The following CDK8 variants were observed in gnomAD, a reference collection of about 807,000 sequenced individuals.
CDK8 encodes the protein cyclin-dependent kinase 8.
CDK8 carries 29 observed loss-of-function variants against 71.5 expected under a neutral mutation model. The ratio of observed to expected loss-of-function variants is 0.41; its 90% CI spans 0.30 to 0.55. The LOEUF (loss-of-function observed/expected upper bound fraction) is 0.55, where lower values mean the gene tolerates loss of function less well. Ranked by LOEUF, CDK8 falls within the 20% of genes least tolerant of loss-of-function variation. The pLI, the probability that CDK8 is intolerant of heterozygous loss-of-function variation, is 0.37. For synonymous variants in CDK8, 161 were observed against 192.1 expected, an observed-to-expected ratio of 0.84 and a Z score of 1.34; for missense variants, 288 against 572.6, an observed-to-expected ratio of 0.50 and a Z score of 5.07.
intron 1 of CDK8, among the ~76,000 whole-genome samples, chr13:26,260,747 A>G (rs1871737217): frequency 1.3e-5 from 2 of 152,222 alleles, no homozygotes; most frequent in Non-Finnish European, 2.9e-5. Flanking sequence ...TACTTTGACA[A>G]TTAATTCTCT....
intron 1 of CDK8, among the ~76,000 whole-genome samples, chr13:26,317,578 A>G (rs373061405): frequency 3.5e-4 from 54 of 152,334 alleles, no homozygotes; most frequent in African/African-American, 1.1e-3. Context: ...AAAGATAGAT[A>G]TCATACAAAG....
At chr13:26,257,793 CA>C (rs1423831195) in intron 1 of CDK8, among the ~76,000 whole-genome samples, 1 of 151,472 alleles carries the variant, frequency 6.6e-6, no homozygotes, top group Non-Finnish European at 1.5e-5. Context: ...GGTTTTTCTT[CA>C]AAAAAGAAAA....
chr13:26,356,491 A>G (rs1873903872), intron 4 of CDK8, among the ~76,000 whole-genome samples: 1 of 152,224 alleles, frequency 6.6e-6, no homozygotes, highest in Admixed American at 6.5e-5. Flanking sequence ...GCAGAAGTCC[A>G]CTGAACCATT....
At chr13:26,369,307 AGGTGT>A (rs941392962) in intron 4 of CDK8, among the ~76,000 whole-genome samples, 1 of 151,208 alleles carries the variant, frequency 6.6e-6, no homozygotes, top group Non-Finnish European at 1.5e-5. Flanking sequence ...GAAATTCGCC[AGGTGT>A]GGTGATGCAT....
chr13:26,312,654 T>G (rs1874341882), intron 1 of CDK8, among the ~76,000 whole-genome samples: 2 of 149,002 alleles, frequency 1.3e-5, no homozygotes, highest in South Asian at 2.1e-4. Flanking sequence ...CACTCACCTC[T>G]AGGGTCCGCG....
intron 4 of CDK8, among the ~76,000 whole-genome samples, chr13:26,364,753 A>G (rs935345880): frequency 2.0e-5 from 3 of 152,206 alleles, no homozygotes; most frequent in Non-Finnish European, 2.9e-5. Context: ...GGCGATTGTT[A>G]TTTTTAAAAT....
intron 1 of CDK8, among the ~76,000 whole-genome samples, chr13:26,269,510 C>T (rs890132515): frequency 1.3e-5 from 2 of 151,902 alleles, no homozygotes; most frequent in Admixed American, 6.6e-5. Context: ...ATCAAAGTAG[C>T]ACATACCTCT....
At chr13:26,323,437 C>T (rs147377142) in intron 1 of CDK8, among the ~76,000 whole-genome samples, 3 of 152,130 alleles carry the variant, frequency 2.0e-5, no homozygotes, top group African/African-American at 7.2e-5. Context: ...TTGAAGACCC[C>T]ACCTTCATGA....
chr13:26,353,385 C>T (rs1873761173), intron 3 of CDK8, among the ~76,000 whole-genome samples: 2 of 103,382 alleles, frequency 1.9e-5, no homozygotes, highest in African/African-American at 3.9e-5. Flanking sequence ...AGAAGTATCT[C>T]TTGAATTTTG....
chr13:26,266,163 T>C (rs1872009472), intron 1 of CDK8, among the ~76,000 whole-genome samples: 1 of 152,194 alleles, frequency 6.6e-6, no homozygotes, highest in Non-Finnish European at 1.5e-5. Flanking sequence ...TGGAAGATGA[T>C]GATTGAGCTT....
chr13:26,394,178 G>T (rs1247837526), intron 7 of CDK8, among the ~76,000 whole-genome samples: 1 of 152,136 alleles, frequency 6.6e-6, no homozygotes, highest in Non-Finnish European at 1.5e-5. Context: ...AGAATAATGA[G>T]AATTTGTTTA....
At chr13:26,394,349 A>G (rs975519125) in intron 7 of CDK8, among the ~76,000 whole-genome samples, 1 of 152,212 alleles carries the variant, frequency 6.6e-6, no homozygotes, top group African/African-American at 2.4e-5. Context: ...ATGCAGAATA[A>G]CTACACAGAT....
At chr13:26,308,417 G>C (rs2074866791) in intron 1 of CDK8, among the ~76,000 whole-genome samples, 1 of 152,236 alleles carries the variant, frequency 6.6e-6, no homozygotes, top group Non-Finnish European at 1.5e-5. Context: ...TTAAATCCCA[G>C]CTAGCTCTGT....
At chr13:26,304,883 A>C (rs1340142430) in intron 1 of CDK8, among the ~76,000 whole-genome samples, 2 of 152,048 alleles carry the variant, frequency 1.3e-5, no homozygotes, top group Admixed American at 6.6e-5. Flanking sequence ...AGCCCAGGCC[A>C]ATCTTGAACT....
intron 4 of CDK8, among the ~76,000 whole-genome samples, chr13:26,358,543 A>C (rs1004111132): frequency 1.3e-5 from 2 of 152,226 alleles, no homozygotes; most frequent in African/African-American, 4.8e-5. Context: ...CGTTGTCAGG[A>C]ATGTAAAATA....
chr13:26,331,284 A>G (rs1176844800), intron 1 of CDK8, among the ~76,000 whole-genome samples: 2 of 151,964 alleles, frequency 1.3e-5, no homozygotes, highest in Non-Finnish European at 2.9e-5. Flanking sequence ...CCCACTTTTC[A>G]ATGAGATTAT....
intron 1 of CDK8, among the ~76,000 whole-genome samples, chr13:26,326,852 G>A (rs1318268270): frequency 1.3e-5 from 2 of 152,104 alleles, no homozygotes; most frequent in Non-Finnish European, 2.9e-5. Context: ...TTCCATCAAT[G>A]ATAAGATTCA....
At chr13:26,357,641 A>G (rs1244500015) in intron 4 of CDK8, among the ~76,000 whole-genome samples, 1 of 152,200 alleles carries the variant, frequency 6.6e-6, no homozygotes, top group East Asian at 1.9e-4. Context: ...AGAACCAACA[A>G]GGTGTTTATA....
At chr13:26,366,577 T>G (rs939527425) in intron 4 of CDK8, among the ~76,000 whole-genome samples, 1 of 152,184 alleles carries the variant, frequency 6.6e-6, no homozygotes, top group African/African-American at 2.4e-5. Context: ...TATTATTTAA[T>G]TTTTATAACT....
Sources: gnomAD v4.1 joint callset for allele counts (sites outside exome capture counted in the v4.1 genomes callset) on GRCh38, gnomAD v4.1.1 for gene constraint, MANE v1.5 for transcripts, NCBI Gene and HGNC (gene_info 2026-07-23, HGNC 2026-07-21) for gene names.